Variants in MARCHF4 observed in about 807,000 individuals in gnomAD.
The protein encoded by MARCHF4 is membrane associated ring-CH-type finger 4.
A neutral mutation model predicts 43.9 loss-of-function variants in MARCHF4; 14 were observed. The ratio of observed to expected loss-of-function variants is 0.32; its 90% CI spans 0.21 to 0.50. The LOEUF (loss-of-function observed/expected upper bound fraction) is 0.50. Ranked by LOEUF, MARCHF4 falls within the 20% of genes least tolerant of loss-of-function variation. The pLI is 0.98. For missense variants in MARCHF4, 468 were observed against 536.7 expected, an observed-to-expected ratio of 0.87 and a Z score of 1.27; for synonymous variants, 226 against 213.3, an observed-to-expected ratio of 1.06 and a Z score of -0.52.
intron 1 of MARCHF4, among the ~76,000 whole-genome samples, chr2:216,284,531 T>C (rs1691188515): frequency 6.6e-6 from 1 of 152,158 alleles, no homozygotes; most frequent in Non-Finnish European, 1.5e-5. Context: ...AGTGGCACGA[T>C]TGCGGCTAAC....
intron 2 of MARCHF4, 127 bp from the exon 3 acceptor site, chr2:216,277,991 T>C: frequency 1.3e-6 from 1 of 791,892 alleles, no homozygotes; most frequent in East Asian, 2.8e-5. Flanking sequence ...TTCCAACCTG[T>C]GGTACAATGA....
At chr2:216,353,147 T>TA (rs533025261) in intron 1 of MARCHF4, among the ~76,000 whole-genome samples, 40 of 147,230 alleles carry the variant, frequency 2.7e-4, no homozygotes, top group Non-Finnish European at 4.1e-4. Context: ...CACTTCAACA[T>TA]AAAAAAAAAA....
At chr2:216,300,187 A>T (rs915404861) in intron 1 of MARCHF4, among the ~76,000 whole-genome samples, 7 of 151,962 alleles carry the variant, frequency 4.6e-5, no homozygotes, top group African/African-American at 9.7e-5. Context: ...AAAGTGCAGA[A>T]TTTTTTTGGG....
intron 1 of MARCHF4, among the ~76,000 whole-genome samples, chr2:216,314,828 TG>T (rs1691747589): frequency 2.0e-5 from 3 of 151,924 alleles, no homozygotes; most frequent in Admixed American, 2.0e-4. Flanking sequence ...AGAGGGCAAG[TG>T]GTAAGAAGAG....
chr2:216,342,697 G>A (rs548807163), intron 1 of MARCHF4, among the ~76,000 whole-genome samples: 59 of 152,168 alleles, frequency 3.9e-4, no homozygotes, highest in Admixed American at 1.2e-3. Context: ...CCTAGGAGGG[G>A]CTGAGGTTTT....
At chr2:216,353,584 G>T (rs571948563) in intron 1 of MARCHF4, among the ~76,000 whole-genome samples, 1 of 152,226 alleles carries the variant, frequency 6.6e-6, no homozygotes, top group Non-Finnish European at 1.5e-5. Flanking sequence ...GTCTTACTCT[G>T]TTGTCCAGGC....
intron 1 of MARCHF4, among the ~76,000 whole-genome samples, chr2:216,301,294 G>T (rs1691489208): frequency 6.6e-6 from 1 of 152,272 alleles, no homozygotes; most frequent in East Asian, 1.9e-4. Context: ...CCAATTCCAG[G>T]GCTGGACTCC....
At chr2:216,328,487 G>A (rs1055214848) in intron 1 of MARCHF4, among the ~76,000 whole-genome samples, 2 of 152,144 alleles carry the variant, frequency 1.3e-5, no homozygotes, top group African/African-American at 4.8e-5. Context: ...CACACATCTG[G>A]CAGAACCTAG....
chr2:216,356,259 C>T (rs896494563), intron 1 of MARCHF4, among the ~76,000 whole-genome samples: 2 of 152,226 alleles, frequency 1.3e-5, no homozygotes, highest in Admixed American at 6.5e-5. Context: ...GGAAACTTTC[C>T]TGGCCCCTCA....
chr2:216,284,808 G>T (rs935721179), intron 1 of MARCHF4, among the ~76,000 whole-genome samples: 1 of 152,104 alleles, frequency 6.6e-6, no homozygotes. Flanking sequence ...ATCATTCAAG[G>T]ATCTCATTGT....
Position 216,370,053 on chromosome 2 carries a change from G to A in MARCHF4, c.208C>T (p.Pro70Ser), listed in dbSNP as rs1002079204. Residue 70 changes from proline to serine, a missense_variant, in exon 1 of 4, where the codon CCC (proline) becomes TCC (serine). Transcript: ENST00000273067. ...GTGTTGTTGGCCGCCAAACCGGGGG[G>A]CTGGGGGTCGCCGTGCATGGGCAGG... Reference protein sequence around the residue: ...APLPMHGDPQPPGLAANNTLP... With the variant: ...APLPMHGDPQSPGLAANNTLP... The A allele has an allele frequency of 4.5e-6, 7 of 1,557,816 alleles. No homozygotes were observed. In the East Asian group the frequency reaches 7.2e-5, roughly 16 times the overall value.
chr2:216,318,499 G>A (rs1691821110), intron 1 of MARCHF4, among the ~76,000 whole-genome samples: 1 of 152,184 alleles, frequency 6.6e-6, no homozygotes, highest in African/African-American at 2.4e-5. Context: ...GGGATGGAGA[G>A]CAATGGAAAG....
intron 1 of MARCHF4, among the ~76,000 whole-genome samples, chr2:216,300,689 T>A (rs1354318845): frequency 1.3e-5 from 2 of 152,088 alleles, no homozygotes; most frequent in Non-Finnish European, 2.9e-5. Flanking sequence ...CATACAAAGC[T>A]CGAAGATAAT....
intron 1 of MARCHF4, 22 bp downstream of exon 1, chr2:216,369,720 CAGG>C (rs772407615): frequency 3.3e-6 from 5 of 1,527,692 alleles, no homozygotes; most frequent in African/African-American, 1.4e-5. Flanking sequence ...CCACAGGAAG[CAGG>C]AGAAGAGAAA....
At chr2:216,336,604 C>G (rs1692159988) in intron 1 of MARCHF4, among the ~76,000 whole-genome samples, 1 of 152,026 alleles carries the variant, frequency 6.6e-6, no homozygotes, top group South Asian at 2.1e-4. Context: ...GTCTGTCACT[C>G]TATCTTCCTA....
chr2:216,366,672 A>G (rs1029758839), intron 1 of MARCHF4, among the ~76,000 whole-genome samples: 2 of 152,160 alleles, frequency 1.3e-5, no homozygotes, highest in Non-Finnish European at 2.9e-5. Flanking sequence ...ACACATTCTT[A>G]GGAAGACTTT....
rs1343720150 is a variant in MARCHF4, at chr2:216,320,664, TTTCTTTCTTTC to T, written c.517-36946_517-36936del. The stretch of plus-strand genomic sequence containing the variant: ...CTTTCTTTCTTTCTTTCTTTCTTTC[TTTCTTTCTTTC>T]TTTTTTTTTTTTTGAGATGGAGTCC... On this transcript the variant is annotated intron_variant, in intron 1 of 3. Transcript: ENST00000273067. 9.0e-3 allele frequency among the ~76,000 whole-genome samples: 1,082 copies of T among 119,900 alleles called. 31 individuals are homozygous for T. Among genetic ancestry groups the T allele is most frequent in the South Asian group, 0.04 (140 of 3,470 alleles). The allele number at this position is 119,900 out of a possible 152,430, so 78.7% of individuals were successfully genotyped here.
intron 3 of MARCHF4, among the ~76,000 whole-genome samples, chr2:216,272,233 A>C (rs1389031877): frequency 6.6e-6 from 1 of 152,148 alleles, no homozygotes; most frequent in Non-Finnish European, 1.5e-5. Context: ...TCACCTGAAG[A>C]ACCTTTCACC....
chr2:216,344,244 G>GAAAC (rs141748360), intron 1 of MARCHF4, among the ~76,000 whole-genome samples: 59,917 of 151,238 alleles, frequency 0.4, 12,154 homozygotes, highest in East Asian at 0.64. Context: ...AACAAAAACA[G>GAAAC]AAACAAACAA....
Sources: gnomAD v4.1 joint callset for allele counts (sites outside exome capture counted in the v4.1 genomes callset) on GRCh38, gnomAD v4.1.1 for gene constraint, MANE v1.5 for transcripts, NCBI Gene and HGNC (gene_info 2026-07-23, HGNC 2026-07-21) for gene names.